Variants in GFI1B observed in about 807,000 individuals in gnomAD.
GFI1B encodes the protein zinc finger protein Gfi-1b.
Under a neutral mutation model 35.3 loss-of-function variants are expected in GFI1B, and 20 were observed. The ratio of observed to expected loss-of-function variants is 0.57; its 90% CI spans 0.40 to 0.82. GFI1B has a LOEUF of 0.82. Ranked by LOEUF, GFI1B falls within the 40% of genes least tolerant of loss-of-function variation. GFI1B has a pLI of 0.00. For missense variants in GFI1B, 430 were observed against 446.3 expected (o/e 0.96, Z 0.33); for synonymous variants, 178 against 177.6 (o/e 1.00, Z -0.02).
At chr9:132,965,808 ACAGGC>A (rs994592906) in intron 1 of GFI1B, among the ~76,000 whole-genome samples, 1 of 152,216 alleles carries the variant, frequency 6.6e-6, no homozygotes, top group African/African-American at 2.4e-5. Context: ...TCCAGAATTG[ACAGGC>A]AAGAAATTTC....
chr9:132,987,096 T>A (rs1204938696), intron 2 of GFI1B, among the ~76,000 whole-genome samples, 186 bp from the exon 3 acceptor site: 1 of 151,872 alleles, frequency 6.6e-6, no homozygotes, highest in Non-Finnish European at 1.5e-5. Flanking sequence ...TTCCCCGGGG[T>A]CTCCTCCTGG....
intron 1 of GFI1B, chr9:132,946,843 A>G (rs1362382895): frequency 2.6e-5 from 4 of 152,344 alleles, no homozygotes; most frequent in Non-Finnish European, 4.4e-5. Context: ...TCAACTGCTC[A>G]CTTTCCAGGG....
intron 1 of GFI1B, among the ~76,000 whole-genome samples, chr9:132,948,079 G>A (rs894949642): frequency 4.6e-5 from 7 of 152,114 alleles, no homozygotes; most frequent in African/African-American, 1.7e-4. Context: ...ATAAAAGTAC[G>A]GAGTCCTTCT....
At chr9:132,975,486 C>T (rs12340943), upstream of GFI1B, among the ~76,000 whole-genome samples, 29,738 of 152,090 alleles carry the variant, frequency 0.2, 3,152 homozygotes, top group South Asian at 0.38. Context: ...ACCAACCCCC[C>T]CAAGCCTGGG....
chr9:132,959,065 C>T (rs1473586496), intron 1 of GFI1B, among the ~76,000 whole-genome samples: 1 of 152,172 alleles, frequency 6.6e-6, no homozygotes, highest in Non-Finnish European at 1.5e-5. Flanking sequence ...ATGGAGATGA[C>T]ACTAATACCT....
chr9:132,988,047 C>T (rs1444237176), intron 3 of GFI1B, 150 bp from the exon 4 acceptor site: 10 of 703,312 alleles, frequency 1.4e-5, no homozygotes, highest in African/African-American at 3.5e-5. Context: ...AGTTTCACCA[C>T]GTTGGTCCGC....
chr9:132,989,623 GT>G lies in GFI1B; in HGVS notation c.649-118del. On this transcript the variant is annotated intron_variant, in intron 5 of 6. Transcript: ENST00000372122. The surrounding 1 kb of genome is among the most constrained non-coding windows in gnomAD (Gnocchi z 6.2). The stretch of plus-strand genomic sequence containing the variant: ...TTCACCTCAGAGGCAGAGATGAGGG[GT>G]CCCCCGGTCCTGCTCCTCCAGGCCG... 4.2e-6 allele frequency: 3 copies of G among 722,798 alleles called. No homozygotes were observed. Among genetic ancestry groups the G allele is most frequent in the Non-Finnish European group, 7.1e-6 (3 of 423,930 alleles). The allele number at this position is 722,798 out of a possible 1,614,324, so 44.8% of individuals were successfully genotyped here.
intron 1 of GFI1B, among the ~76,000 whole-genome samples, chr9:132,956,297 GTTA>G (rs1381993850): frequency 6.7e-6 from 1 of 150,128 alleles, no homozygotes; most frequent in Non-Finnish European, 1.5e-5. Context: ...ACCTCCTTTT[GTTA>G]TTATTTTTTT....
rs368980849 is a variant in GFI1B at position 132,970,345 on chromosome 9, G to T, written c.-700-2380G>T. Among the ~76,000 whole-genome samples the T allele has an allele frequency of 2.6e-5, 4 of 152,266 alleles. 1 individual carries two copies. On this transcript the variant is annotated intron_variant, in intron 1 of 10. Coordinates refer to the GFI1B transcript ENST00000339463. ...CCCAGACACCAGGCCAGTACCTGCT[G>T]GGGGTGCTACTCGAAGGGGCTTGAC... is the stretch of plus-strand genomic sequence containing the variant.
intron 2 of GFI1B, among the ~76,000 whole-genome samples, chr9:132,973,523 G>A (rs1458327315): frequency 1.3e-5 from 2 of 152,328 alleles, no homozygotes; most frequent in Admixed American, 1.3e-4. Flanking sequence ...GGCCCCATGA[G>A]TAACCGAGCA....
Position 132,987,648 on chromosome 9 carries a change from G to A in GFI1B, c.238+229G>A, listed in dbSNP as rs8193002. On this transcript the variant is annotated intron_variant, in intron 3 of 6. Coordinates refer to ENST00000372122, the MANE Select transcript of GFI1B (RefSeq NM_001377304.1). ...CCAGAAGCAGCAGCTGGGCCGGTCC[G>A]TGCAGGGAGTGAGGTGGGCACTGTG... 0.19 allele frequency among the ~76,000 whole-genome samples: 28,529 copies of A among 152,088 alleles called. 3,369 individuals carry two copies. The highest frequency in any genetic ancestry group is 0.26 in the Non-Finnish European group (17,971 of 67,946).
At chr9:132,985,802 T>G (rs1338009761) in intron 1 of GFI1B, among the ~76,000 whole-genome samples, 3 of 152,232 alleles carry the variant, frequency 2.0e-5, no homozygotes, top group Non-Finnish European at 4.4e-5. Context: ...GCAAGTGAAC[T>G]GAGATTCTAA....
At chr9:132,958,374 A>G (rs1848314683) in intron 1 of GFI1B, among the ~76,000 whole-genome samples, 1 of 152,194 alleles carries the variant, frequency 6.6e-6, no homozygotes, top group African/African-American at 2.4e-5. Flanking sequence ...TTGTACAAGA[A>G]CCATAGCGGC....
chr9:132,962,827 T>C (rs1848387495), intron 1 of GFI1B, among the ~76,000 whole-genome samples: 3 of 151,826 alleles, frequency 2.0e-5, no homozygotes, highest in Admixed American at 2.0e-4. Context: ...TCCCACTAAT[T>C]TGGGAGGCCA....
rs201340517 is a variant in GFI1B, at chr9:132,989,795, G to A, written c.702G>A (p.Thr234=). The change falls in exon 6 of 7, where the codon ACG becomes ACA. Residue 234 remains threonine, a synonymous_variant. Transcript: ENST00000372122. This position sits in a 1 kb window ranked among gnomAD's most constrained non-coding sequence, Gnocchi z 6.2. ...MCGKAFKRSS[T]LSTHLLIHSD... ...GCAAGGCCTTCAAGCGCTCGTCCAC[G>A]CTGTCCACCCACCTGCTCATCCACT... is the stretch of plus-strand genomic sequence containing the variant. 3 of 1,613,966 alleles carry A rather than the reference G, an allele frequency of 1.9e-6. No individual in the cohort carries two copies. Among genetic ancestry groups the A allele is most frequent in the East Asian group, 2.2e-5 (1 of 44,880 alleles).
chr9:132,949,142 T>G (rs923689569), intron 1 of GFI1B, among the ~76,000 whole-genome samples: 6 of 152,174 alleles, frequency 3.9e-5, no homozygotes, highest in African/African-American at 1.2e-4. Flanking sequence ...TGCTCACACC[T>G]GTCTTTTTAA....
In GFI1B at chr9:132,989,967, G is replaced by A; in HGVS notation, c.814+60G>A. 6.8e-7 allele frequency: 1 copy of A among 1,480,124 alleles called. No individual in the cohort carries two copies. Among genetic ancestry groups the A allele is most frequent in the Non-Finnish European group, 9.4e-7 (1 of 1,061,000 alleles). 91.7% of individuals were successfully genotyped at this position (1,480,124 alleles called of 1,614,324 possible). The stretch of plus-strand genomic sequence containing the variant: ...AGAGCACCCCCACCTTTCCCTGAGA[G>A]ATGCATCAGAGGCCCCCAGCGTGAG... On this transcript the variant is annotated intron_variant, in intron 6 of 6. Transcript: ENST00000372122. This position sits in a 1 kb window ranked among gnomAD's most constrained non-coding sequence, Gnocchi z 6.2.
intron 3 of GFI1B, 147 bp downstream of exon 3, chr9:132,987,566 C>CT: frequency 1.1e-6 from 1 of 907,952 alleles, no homozygotes; most frequent in Non-Finnish European, 1.7e-6. Flanking sequence ...GTGGCTTCTG[C>CT]TTGGGCCTCT....
intron 1 of GFI1B, among the ~76,000 whole-genome samples, chr9:132,983,128 A>G (rs927518693): frequency 6.6e-6 from 1 of 150,506 alleles, no homozygotes; most frequent in Non-Finnish European, 1.5e-5. Flanking sequence ...TTCAGGAGCC[A>G]TGTGGGTCTT....
Sources: gnomAD v4.1 joint callset for allele counts (sites outside exome capture counted in the v4.1 genomes callset) on GRCh38, gnomAD v4.1.1 for gene constraint, Gnocchi (gnomAD v3.1) non-coding constraint, MANE v1.5 for transcripts, NCBI Gene and HGNC (gene_info 2026-07-23, HGNC 2026-07-21) for gene names.